Variants in ADCY1 observed in about 807,000 individuals in gnomAD.
ADCY1 encodes the protein adenylate cyclase type 1.
Under a neutral mutation model 105.4 loss-of-function variants are expected in ADCY1, and 28 were observed. The observed-to-expected ratio is 0.27, with a 90% CI of 0.20 to 0.36. The LOEUF is 0.36. Among genes scored for constraint, ADCY1 ranks in the 10% least tolerant of loss-of-function variants. ADCY1 has a pLI of 1.00. For missense variants in ADCY1, 977 were observed against 1,434.2 expected (o/e 0.68, Z 5.15); for synonymous variants, 655 against 623.8 (o/e 1.05, Z -0.75).
rs752638804 is a variant in ADCY1 at position 45,639,491 on chromosome 7, G to A, written c.1021-9179G>A. ...CAGAAGACTGTGGGGCAGCATGGAG[G>A]GGTTCACTGTGTGCCATCTGCAGAG... On this transcript the variant is annotated intron_variant, in intron 4 of 19. Transcript: ENST00000297323. 3.9e-5 allele frequency among the ~76,000 whole-genome samples: 6 copies of A among 152,188 alleles called. 1 individual carries two copies. The highest frequency in any genetic ancestry group is 4.1e-4 in the South Asian group (2 of 4,836).
At chr7:45,586,628 A>G (rs1792733308) in intron 1 of ADCY1, among the ~76,000 whole-genome samples, 1 of 152,210 alleles carries the variant, frequency 6.6e-6, no homozygotes, top group African/African-American at 2.4e-5. Context: ...TGTGTGAGAC[A>G]CTGAAGAAGC....
At chr7:45,654,884 G>T (rs1278200572) in intron 5 of ADCY1, among the ~76,000 whole-genome samples, 1 of 151,846 alleles carries the variant, frequency 6.6e-6, no homozygotes, top group Non-Finnish European at 1.5e-5. Context: ...GTAGGGAAGG[G>T]AGGAGCCCAA....
intron 4 of ADCY1, among the ~76,000 whole-genome samples, chr7:45,638,316 A>C (rs1287769168): frequency 6.6e-6 from 1 of 152,156 alleles, no homozygotes; most frequent in Non-Finnish European, 1.5e-5. Context: ...TCATTTGGAT[A>C]GTAGCTATTT....
rs1792301218 is a variant in ADCY1, at chr7:45,575,290, C to T, written c.639+108C>T. 1 of 1,382,694 alleles carries T rather than the reference C, an allele frequency of 7.2e-7. No individual in the cohort carries two copies. Among genetic ancestry groups the T allele is most frequent in the South Asian group, 1.5e-5 (1 of 68,298 alleles). 85.7% of individuals were successfully genotyped at this position (1,382,694 alleles called of 1,614,324 possible). A position where few individuals can be genotyped will look rare whatever the true frequency, so the allele number is the denominator to read the frequency against. ...TTTTCCTATGCGGCGGGTGGGGACACTGAGGCTCCGAGTGGGGGTGTGTTC... is the reference window on the plus strand; with the variant it reads ...TTTTCCTATGCGGCGGGTGGGGACATTGAGGCTCCGAGTGGGGGTGTGTTC... On this transcript the variant is annotated intron_variant, in intron 1 of 19. Transcript: ENST00000297323. The surrounding 1 kb of genome is among the most constrained non-coding windows in gnomAD (Gnocchi z 4.7).
chr7:45,578,033 T>G (rs1271445546), intron 1 of ADCY1, among the ~76,000 whole-genome samples: 1 of 152,186 alleles, frequency 6.6e-6, no homozygotes, highest in Non-Finnish European at 1.5e-5. Flanking sequence ...CCTGCAGCAT[T>G]CATTGTTCCA....
At position 45,703,453 on chromosome 7, in the gene ADCY1, C is replaced by G. The variant is rs568589402; in HGVS notation, c.2532C>G (p.His844Gln). The G allele has an allele frequency of 6.2e-7, 1 of 1,614,132 alleles. No homozygotes were observed. The highest frequency in any genetic ancestry group is 1.1e-5 in the South Asian group (1 of 91,084). The change falls in exon 15 of 20, where the codon CAC (histidine) becomes CAG (glutamine). Residue 844 changes from histidine to glutamine, a missense_variant. Physicochemically the swap from His to Gln is conservative, Grantham distance 24. This residue lies in a region of ADCY1 where 152 missense variants were observed against 293.7 expected (regional missense o/e 0.52). Transcript: ENST00000297323. This position sits in a 1 kb window ranked among gnomAD's most constrained non-coding sequence, Gnocchi z 5.9. ...RRILFNLLPA[H>Q]VAQHFLMSNP... ...TCCTCTTCAACCTCCTGCCGGCCCA[C>G]GTCGCCCAGCACTTCCTCATGTCCA...
At position 45,575,763 on chromosome 7, in the gene ADCY1, A is replaced by C. The variant is rs1272394156; in HGVS notation, c.639+581A>C. Among the ~76,000 whole-genome samples, 2 of 152,234 alleles carry C rather than the reference A, an allele frequency of 1.3e-5. No individual in the cohort carries two copies. Among genetic ancestry groups the C allele is most frequent in the African/African-American group, 4.8e-5 (2 of 41,456 alleles). On this transcript the variant is annotated intron_variant, in intron 1 of 19. Transcript: ENST00000297323. This position sits in a 1 kb window ranked among gnomAD's most constrained non-coding sequence, Gnocchi z 4.7. ...CGGCCCAGAAAGAGTGGGGTTTGCC[A>C]AGGTCAAACACAGTCTAGTCCCTGC...
intron 8 of ADCY1, among the ~76,000 whole-genome samples, chr7:45,675,414 TCAA>T (rs1287843540): frequency 6.6e-6 from 1 of 152,130 alleles, no homozygotes; most frequent in African/African-American, 2.4e-5. Flanking sequence ...TGTAGAAAAT[TCAA>T]GAGAAGGAGG....
intron 14 of ADCY1, among the ~76,000 whole-genome samples, chr7:45,691,005 C>T (rs147514671): frequency 8.9e-4 from 136 of 152,350 alleles, no homozygotes; most frequent in African/African-American, 2.9e-3. Flanking sequence ...GTTGGTTCCT[C>T]ATTCTCAGAC....
At chr7:45,633,644 G>T (rs1405411067) in intron 4 of ADCY1, among the ~76,000 whole-genome samples, 1 of 151,814 alleles carries the variant, frequency 6.6e-6, no homozygotes, top group Non-Finnish European at 1.5e-5. Context: ...TCTACTAAAA[G>T]TACAAAAATT....
intron 6 of ADCY1, among the ~76,000 whole-genome samples, chr7:45,659,811 C>A (rs1261377183): frequency 6.6e-6 from 1 of 152,230 alleles, no homozygotes; most frequent in East Asian, 1.9e-4. Context: ...TGTCCCCCAC[C>A]TCAGCCATCC....
chr7:45,663,204 G>A (rs1795178643), intron 8 of ADCY1, among the ~76,000 whole-genome samples: 1 of 152,196 alleles, frequency 6.6e-6, no homozygotes, highest in African/African-American at 2.4e-5. Flanking sequence ...TCTGCTACCC[G>A]CACCTCCAGA....
At position 45,704,660 on chromosome 7, in the gene ADCY1, C is replaced by G. The variant is rs775465057; in HGVS notation, c.2817+44C>G. 2.6e-6 allele frequency: 4 copies of G among 1,543,910 alleles called. No individual in the cohort carries two copies. In the African/African-American group the frequency reaches 4.1e-5, roughly 16 times the overall value. ...TGCCTGCTTGGGGACTGGGTCCAAG[C>G]TCTGCCCTAAACTGCTCTGGGACCC... On this transcript the variant is annotated intron_variant, in intron 17 of 19. Transcript: ENST00000297323.
chr7:45,705,605 C>A (rs1312874597), intron 17 of ADCY1, among the ~76,000 whole-genome samples: 2 of 151,982 alleles, frequency 1.3e-5, no homozygotes, highest in Admixed American at 1.3e-4. Context: ...TGCAAAATAC[C>A]CATAGCTTGA....
intron 1 of ADCY1, among the ~76,000 whole-genome samples, chr7:45,581,922 A>G (rs922900329): frequency 1.3e-5 from 2 of 152,092 alleles, no homozygotes; most frequent in Non-Finnish European, 2.9e-5. Flanking sequence ...CCCCCCAAAC[A>G]TGCATGCACA....
At position 45,661,967 on chromosome 7, in the gene ADCY1, T is replaced by C. The variant is rs560545526; in HGVS notation, c.1450-92T>C. 4.1e-6 allele frequency: 6 copies of C among 1,458,308 alleles called. No individual in the cohort carries two copies. The South Asian group carries it at 7.8e-5, about 19-fold the overall frequency. The allele number at this position is 1,458,308 out of a possible 1,614,324, so 90.3% of individuals were successfully genotyped here. A position where few individuals can be genotyped will look rare whatever the true frequency, so the allele number is the denominator to read the frequency against. On this transcript the variant is annotated intron_variant, in intron 7 of 19. Coordinates refer to ENST00000297323, the MANE Select transcript of ADCY1 (RefSeq NM_021116.4). ...GCAAATGAATCCCAGTGCCCTGGGGTGGCTGTGTTTGTCAGGATGGCATTC... is the reference window on the plus strand; with the variant it reads ...GCAAATGAATCCCAGTGCCCTGGGGCGGCTGTGTTTGTCAGGATGGCATTC...
intron 12 of ADCY1, among the ~76,000 whole-genome samples, chr7:45,685,579 G>A (rs1784655123): frequency 6.6e-6 from 1 of 151,102 alleles, no homozygotes; most frequent in South Asian, 2.1e-4. Context: ...ACAGGACAGA[G>A]CTGGGGGCAG....
At chr7:45,582,146 G>T (rs1442767971) in intron 1 of ADCY1, among the ~76,000 whole-genome samples, 1 of 152,182 alleles carries the variant, frequency 6.6e-6, no homozygotes, top group African/African-American at 2.4e-5. Context: ...GCACACTGAT[G>T]CACACTCGTA....
intron 2 of ADCY1, among the ~76,000 whole-genome samples, chr7:45,596,079 G>A (rs1259990767): frequency 2.6e-5 from 4 of 152,242 alleles, no homozygotes; most frequent in African/African-American, 9.6e-5. Context: ...TCTGCCTGGA[G>A]ACTGCCTGGC....
Sources: gnomAD v4.1 joint callset for allele counts (sites outside exome capture counted in the v4.1 genomes callset) on GRCh38, gnomAD v4.1.1 for gene constraint, gnomAD v4.1.1 regional missense constraint, Gnocchi (gnomAD v3.1) non-coding constraint, MANE v1.5 for transcripts, NCBI Gene and HGNC (gene_info 2026-07-23, HGNC 2026-07-21) for gene names.